Variants in USP4 observed in about 807,000 individuals in gnomAD.
USP4 encodes ubiquitin carboxyl-terminal hydrolase 4.
Under a neutral mutation model 118.2 loss-of-function variants are expected in USP4, and 72 were observed. The observed-to-expected ratio is 0.61, with a 90% CI of 0.50 to 0.74. USP4 has a LOEUF of 0.74. USP4 is among the 30% of genes least tolerant of loss of function. The pLI, the probability that USP4 is intolerant of heterozygous loss-of-function variation, is 0.00. For synonymous variants in USP4, 415 were observed against 440.4 expected (o/e 0.94, Z 0.72); for missense variants, 1,037 against 1,185.7 (o/e 0.87, Z 1.84).
intron 6 of USP4, chr3:49,314,037 T>C (rs1026149390): frequency 6.6e-6 from 1 of 152,160 alleles, no homozygotes; most frequent in African/African-American, 2.4e-5. Flanking sequence ...CTCCATTGTT[T>C]CAAATATAAA....
intron 1 of USP4, among the ~76,000 whole-genome samples, chr3:49,338,416 T>G (rs1302492662): frequency 6.6e-6 from 1 of 151,928 alleles, no homozygotes; most frequent in Non-Finnish European, 1.5e-5. Flanking sequence ...TCCCAGCACT[T>G]TGGGAGGCCA....
At chr3:49,309,033 C>CAAAAAA (rs35731425) in intron 8 of USP4, among the ~76,000 whole-genome samples, 1 of 69,642 alleles carries the variant, frequency 1.4e-5, no homozygotes, top group Non-Finnish European at 2.8e-5. Flanking sequence ...GATGCTGTCT[C>CAAAAAA]AAAAAAAAAA....
chr3:49,317,542 G>GTTTTTTT (rs71077785), intron 6 of USP4: 1 of 448,380 alleles, frequency 2.2e-6, no homozygotes, highest in Non-Finnish European at 3.8e-6. Context: ...TTGTTTGTTT[G>GTTTTTTT]TTTTTTTTTT....
chr3:49,325,941 A>C, intron 3 of USP4, 96 bp from the exon 4 acceptor site: 18 of 1,452,080 alleles, frequency 1.2e-5, no homozygotes, highest in Non-Finnish European at 1.4e-5. Flanking sequence ...CAGAAAACTC[A>C]TGATAATCCA....
In USP4 at chr3:49,311,634, C is replaced by G; in HGVS notation, c.716G>C (p.Arg239Thr). Residue 239 changes from arginine to threonine, a missense_variant, in exon 7 of 22, where the codon AGA (arginine) becomes ACA (threonine). Coordinates refer to ENST00000265560, the MANE Select transcript of USP4 (RefSeq NM_003363.4). ...LQSKSSTAPSRNFTTSPKSSA... is the reference protein window; with the variant it reads ...LQSKSSTAPSTNFTTSPKSSA... The stretch of plus-strand genomic sequence containing the variant: ...TGATTTTGGAGAGGTAGTAAAATTT[C>G]TGCTAGGCGCAGTGCTTGATCTGGG... The G allele has an allele frequency of 6.2e-7, 1 of 1,613,918 alleles. No homozygotes were observed. The highest frequency in any genetic ancestry group is 8.5e-7 in the Non-Finnish European group (1 of 1,179,876).
chr3:49,297,737 T>C, intron 13 of USP4, 133 bp downstream of exon 13: 1 of 696,148 alleles, frequency 1.4e-6, no homozygotes, highest in Non-Finnish European at 2.5e-6. Flanking sequence ...TACCCATCTC[T>C]TGCACCCAGG....
intron 15 of USP4, among the ~76,000 whole-genome samples, chr3:49,290,951 A>C (rs1249611894): frequency 6.6e-6 from 1 of 151,930 alleles, no homozygotes; most frequent in Admixed American, 6.5e-5. Flanking sequence ...TGCACTCCAG[A>C]CTGGGTGATA....
intron 6 of USP4, among the ~76,000 whole-genome samples, chr3:49,320,245 C>A (rs768863491): frequency 6.6e-6 from 1 of 152,138 alleles, no homozygotes; most frequent in African/African-American, 2.4e-5. Context: ...GACAGGGTCT[C>A]CAGCCTGACC....
intron 19 of USP4, among the ~76,000 whole-genome samples, chr3:49,283,469 T>C (rs2047061847): frequency 6.6e-6 from 1 of 152,192 alleles, no homozygotes; most frequent in Non-Finnish European, 1.5e-5. Flanking sequence ...AACATCTATC[T>C]GTTAACTTAC....
Position 49,310,721 on chromosome 3 carries a change from C to T in USP4, c.853G>A (p.Ala285Thr). ...GVSRGGSGFSASYNCQEPPSS... is the reference protein window; with the variant it reads ...GVSRGGSGFSTSYNCQEPPSS... ...GGTGGCTCCTGACAATTATACGAAG[C>T]AGAAAAGCCAGATCCACTGGAAAAC... Residue 285 changes from alanine (A) to threonine (T), a missense_variant, in exon 8 of 22, where the codon GCT becomes ACT. Transcript: ENST00000265560. The T allele has an allele frequency of 6.2e-7, 1 of 1,613,988 alleles. No homozygotes were observed. The highest frequency in any genetic ancestry group is 2.2e-5 in the East Asian group (1 of 44,874).
Position 49,279,090 on chromosome 3 carries a change from A to C in USP4, c.2645-188T>G, listed in dbSNP as rs1051210425. ...TTTTCTAATCTGTTCCTTCTCAAAA[A>C]GGATCAAAAGGCTAAAAATGGAGCT... On this transcript the variant is annotated intron_variant, in intron 20 of 21. Coordinates refer to ENST00000265560, the MANE Select transcript of USP4 (RefSeq NM_003363.4). The C allele has an allele frequency of 9.3e-5, 35 of 375,648 alleles. No homozygotes were observed. The East Asian group carries it at 1.5e-3, about 17-fold the overall frequency. 23.3% of individuals were successfully genotyped at this position (375,648 alleles called of 1,614,324 possible).
At chr3:49,305,627 C>A (rs2047305998) in intron 9 of USP4, 88 bp downstream of exon 9, 4 of 1,270,422 alleles carry the variant, frequency 3.1e-6, no homozygotes, top group Non-Finnish European at 4.2e-6. Context: ...AAAAAAAAAT[C>A]CTAAAAAACC....
chr3:49,332,141 G>C (rs1173251143), intron 2 of USP4, among the ~76,000 whole-genome samples: 1 of 152,032 alleles, frequency 6.6e-6, no homozygotes, highest in African/African-American at 2.4e-5. Context: ...GCTGGGTGTG[G>C]TGGCAGGTAC....
chr3:49,339,987 G>A lies in USP4; in HGVS notation c.38C>T (p.Ala13Val). 1 of 1,611,476 alleles carries A rather than the reference G, an allele frequency of 6.2e-7. No homozygotes were observed. ...EGGGCRERPD[A>V]ETQKSELGPL... is the part of the protein sequence containing the mutation. ...TCCAAGCTCGGACTTCTGAGTCTCC[G>A]CATCCGGTCGCTCACGGCAGCCTCC... is the stretch of plus-strand genomic sequence containing the variant. The change falls in exon 1 of 22, where the codon GCG (alanine) becomes GTG (valine). Residue 13 changes from alanine (A) to valine (V), a missense_variant. By Grantham distance (64) the Ala-to-Val change is moderately conservative. Around this residue, in one of 3 missense-constraint regions of USP4, gnomAD observed 487 missense variants for 534.1 expected, o/e 0.91. Transcript: ENST00000265560.
intron 21 of USP4, 84 bp downstream of exon 21, chr3:49,278,730 A>T: frequency 1.8e-6 from 2 of 1,131,836 alleles, no homozygotes; most frequent in Non-Finnish European, 2.6e-6. Flanking sequence ...AGGATGATGA[A>T]ATAACCAACT....
At chr3:49,285,006 C>G in intron 16 of USP4, 87 bp from the exon 17 acceptor site, 1 of 959,348 alleles carries the variant, frequency 1.0e-6, no homozygotes, top group East Asian at 2.6e-5. Context: ...GGACCACACT[C>G]AGGCCACACC....
chr3:49,302,189 TAA>T (rs200559085), intron 10 of USP4, among the ~76,000 whole-genome samples, 193 bp downstream of exon 10: 55 of 123,878 alleles, frequency 4.4e-4, no homozygotes, highest in Admixed American at 1.0e-3. Flanking sequence ...TGTCTCTATT[TAA>T]AAAAAAAAAA....
intron 2 of USP4, among the ~76,000 whole-genome samples, chr3:49,332,212 G>A: frequency 6.6e-6 from 1 of 152,116 alleles, no homozygotes; most frequent in East Asian, 1.9e-4. Context: ...GGGAGGTGGA[G>A]GTTGCAGTGA....
intron 8 of USP4, among the ~76,000 whole-genome samples, chr3:49,308,364 G>A (rs1313367504): frequency 6.6e-6 from 1 of 152,108 alleles, no homozygotes; most frequent in Non-Finnish European, 1.5e-5. Context: ...CTGTCACCCA[G>A]GCTGGAGTGT....
Sources: allele counts gnomAD v4.1 joint callset (sites outside exome capture counted in the v4.1 genomes callset), GRCh38; gene constraint gnomAD v4.1.1; regional missense constraint gnomAD v4.1.1; transcripts MANE v1.5; gene names NCBI Gene and HGNC (gene_info 2026-07-23, HGNC 2026-07-21).